The following CDK8 variants were observed in gnomAD, a reference collection of about 807,000 sequenced individuals.
The protein encoded by CDK8 is cyclin-dependent kinase 8.
In CDK8, 29 loss-of-function variants were observed where a neutral mutation model predicts 71.5. The observed-to-expected ratio is 0.41, with a 90% CI of 0.30 to 0.55. CDK8 has a LOEUF of 0.55. Ranked by LOEUF, CDK8 falls within the 20% of genes least tolerant of loss-of-function variation. The probability of loss-of-function intolerance (pLI) is 0.37; values close to 1 mark genes in which losing one functional copy is unlikely to be tolerated. For synonymous variants in CDK8, 161 were observed against 192.1 expected, an observed-to-expected ratio of 0.84 and a Z score of 1.34; for missense variants, 288 against 572.6, an observed-to-expected ratio of 0.50 and a Z score of 5.07.
intron 1 of CDK8, among the ~76,000 whole-genome samples, chr13:26,307,359 C>G (rs1874092159): frequency 6.6e-6 from 1 of 152,166 alleles, no homozygotes; most frequent in Non-Finnish European, 1.5e-5. Context: ...GGTATGACAA[C>G]AGAAGCAAGG....
At position 26,254,298 on chromosome 13, in the gene CDK8, C is replaced by T; in HGVS notation, c.-344C>T. 3.5e-6 allele frequency: 1 copy of T among 282,290 alleles called. No individual in the cohort carries two copies. Among genetic ancestry groups the T allele is most frequent in the East Asian group, 5.9e-5 (1 of 16,836 alleles). 17.5% of individuals were successfully genotyped at this position (282,290 alleles called of 1,614,324 possible). On this transcript the variant is annotated 5_prime_UTR_variant, in exon 1 of 13. The change creates a new upstream start codon in the 5' untranslated region. Transcript: ENST00000381527. The surrounding 1 kb of genome is among the most constrained non-coding windows in gnomAD (Gnocchi z 6.7). ...CGCTCCCGCCGCAGCAGGAGCAGAA[C>T]GCGCGGCCGGAGAGAGCGGCGGAGC... is the stretch of plus-strand genomic sequence containing the variant.
chr13:26,391,295 T>C (rs975851952), intron 6 of CDK8, among the ~76,000 whole-genome samples: 6 of 152,134 alleles, frequency 3.9e-5, no homozygotes, highest in Non-Finnish European at 7.3e-5. Flanking sequence ...TTCTGTGAAA[T>C]AGGGTCTTGC....
chr13:26,301,930 G>C (rs2137917278), intron 1 of CDK8, among the ~76,000 whole-genome samples: 2 of 152,260 alleles, frequency 1.3e-5, no homozygotes, highest in South Asian at 4.1e-4. Flanking sequence ...GTCAGTCTGT[G>C]GGGCTATTTC....
intron 1 of CDK8, among the ~76,000 whole-genome samples, chr13:26,275,467 C>G (rs773379536): frequency 6.6e-6 from 1 of 152,194 alleles, no homozygotes; most frequent in Non-Finnish European, 1.5e-5. Flanking sequence ...TTGCCTACTA[C>G]AAGGTATTCT....
chr13:26,323,075 A>G (rs148607258), intron 1 of CDK8, among the ~76,000 whole-genome samples: 182 of 152,214 alleles, frequency 1.2e-3, no homozygotes, highest in African/African-American at 4.0e-3. Flanking sequence ...GCATATTGTC[A>G]TTGTCAGTCT....
intron 1 of CDK8, among the ~76,000 whole-genome samples, chr13:26,291,300 C>T (rs1268060653): frequency 3.3e-5 from 5 of 152,014 alleles, no homozygotes; most frequent in African/African-American, 9.7e-5. Context: ...GATGTTTGCA[C>T]AACAGTGAAA....
intron 4 of CDK8, among the ~76,000 whole-genome samples, chr13:26,376,670 A>T (rs1050130957): frequency 3.9e-5 from 6 of 152,306 alleles, no homozygotes; most frequent in Non-Finnish European, 8.8e-5. Flanking sequence ...TGTCAGTGAA[A>T]ATAGAAGGTT....
Position 26,403,175 on chromosome 13 carries a change from T to C in CDK8, c.1270-781T>C, listed in dbSNP as rs116186618. The stretch of plus-strand genomic sequence containing the variant: ...CCGTCCTTCTTACTGTGGTTATATT[T>C]TTACTTTTGTATATAAACTTGTAGC... On this transcript the variant is annotated intron_variant, in intron 12 of 12. Coordinates refer to ENST00000381527, the MANE Select transcript of CDK8 (RefSeq NM_001260.3). Among the ~76,000 whole-genome samples the C allele has an allele frequency of 6.6e-3, 1,001 of 152,288 alleles. 10 individuals carry two copies. The highest frequency in any genetic ancestry group is 0.021 in the African/African-American group (867 of 41,546).
intron 4 of CDK8, among the ~76,000 whole-genome samples, chr13:26,355,127 A>C (rs960591402): frequency 6.6e-6 from 1 of 152,200 alleles, no homozygotes; most frequent in African/African-American, 2.4e-5. Context: ...GTGCTGTTCC[A>C]GTGGCACAGT....
At chr13:26,298,714 T>C (rs1873678783) in intron 1 of CDK8, among the ~76,000 whole-genome samples, 1 of 152,200 alleles carries the variant, frequency 6.6e-6, no homozygotes, top group Non-Finnish European at 1.5e-5. Context: ...CCTTGAGGTC[T>C]CTACTCCTGT....
intron 1 of CDK8, among the ~76,000 whole-genome samples, chr13:26,328,182 A>G (rs1002498938): frequency 9.2e-5 from 14 of 152,170 alleles, no homozygotes; most frequent in African/African-American, 3.4e-4. Flanking sequence ...ATCATACCTC[A>G]GCATGCAATG....
At chr13:26,272,977 T>G (rs1197563228) in intron 1 of CDK8, among the ~76,000 whole-genome samples, 1 of 152,240 alleles carries the variant, frequency 6.6e-6, no homozygotes, top group African/African-American at 2.4e-5. Context: ...AATTTTGGTG[T>G]AGTCCAGTGT....
In CDK8 at chr13:26,390,915, T is replaced by C. The variant is rs953085596; in HGVS notation, c.647-2452T>C. ...CATTTTGAGAAGTAGATGAAACTTA[T>C]ATGTTTTTAATTTGGAAAGCCATTT... On this transcript the variant is annotated intron_variant, in intron 6 of 12. Coordinates refer to ENST00000381527, the MANE Select transcript of CDK8 (RefSeq NM_001260.3). 5.9e-5 allele frequency among the ~76,000 whole-genome samples: 9 copies of C among 152,006 alleles called. No individual in the cohort carries two copies. In the East Asian group the frequency reaches 1.2e-3, roughly 20 times the overall value.
chr13:26,348,445 T>C (rs549517146), intron 2 of CDK8, among the ~76,000 whole-genome samples: 248 of 152,270 alleles, frequency 1.6e-3, no homozygotes, highest in African/African-American at 5.7e-3. Context: ...TTGAACACTA[T>C]TGTGAACTGC....
At chr13:26,331,943 G>A (rs1242672489) in intron 1 of CDK8, among the ~76,000 whole-genome samples, 1 of 152,064 alleles carries the variant, frequency 6.6e-6, no homozygotes, top group Non-Finnish European at 1.5e-5. Context: ...TGATCCATGG[G>A]CCTGGGATGT....
At chr13:26,325,711 G>A (rs140567356) in intron 1 of CDK8, among the ~76,000 whole-genome samples, 2,003 of 152,166 alleles carry the variant, frequency 0.013, 23 homozygotes, top group Non-Finnish European at 0.022. Flanking sequence ...AGCAGGGCTG[G>A]GTTCTCTTGG....
At chr13:26,348,724 C>T (rs941201073) in intron 2 of CDK8, among the ~76,000 whole-genome samples, 1 of 152,040 alleles carries the variant, frequency 6.6e-6, no homozygotes, top group African/African-American at 2.4e-5. Flanking sequence ...TGGTGGTGAT[C>T]GCAGAACATT....
chr13:26,362,145 G>C (rs987164595), intron 4 of CDK8, among the ~76,000 whole-genome samples: 6 of 151,988 alleles, frequency 3.9e-5, no homozygotes, highest in Non-Finnish European at 7.4e-5. Context: ...TTTTTGTAAA[G>C]TACATGTATT....
intron 1 of CDK8, among the ~76,000 whole-genome samples, chr13:26,289,051 G>GTTTTTTTTTTTTTTTTTTT (rs5802371): frequency 1.8e-5 from 1 of 56,230 alleles, no homozygotes; most frequent in Non-Finnish European, 3.4e-5. Flanking sequence ...AGCTTCTGTA[G>GTTTTTTTTTTTTTTTTTTT]TTTTTTTTTT....
Sources: gnomAD v4.1 joint callset for allele counts (sites outside exome capture counted in the v4.1 genomes callset) on GRCh38, gnomAD v4.1.1 for gene constraint, Gnocchi (gnomAD v3.1) non-coding constraint, MANE v1.5 for transcripts, NCBI Gene and HGNC (gene_info 2026-07-23, HGNC 2026-07-21) for gene names.